HMBOX1: variants seen among roughly 807,000 people sequenced by gnomAD.
HMBOX1 encodes the protein homeobox-containing protein 1.
A neutral mutation model predicts 54.5 loss-of-function variants in HMBOX1; 14 were observed. That is an observed-to-expected ratio of 0.26 (90% confidence interval 0.17 to 0.40). The LOEUF (loss-of-function observed/expected upper bound fraction) is 0.40, where lower values mean the gene tolerates loss of function less well. Among genes scored for constraint, HMBOX1 ranks in the 10% least tolerant of loss-of-function variants. The pLI, the probability that HMBOX1 is intolerant of heterozygous loss-of-function variation, is 1.00. For missense variants in HMBOX1, 332 were observed against 514.4 expected (o/e 0.65, Z 3.43); for synonymous variants, 160 against 181.0 (o/e 0.88, Z 0.93).
intron 5 of HMBOX1, among the ~76,000 whole-genome samples, chr8:29,010,898 C>T (rs946055082): frequency 1.3e-5 from 2 of 152,216 alleles, no homozygotes; most frequent in East Asian, 1.9e-4. Context: ...TGTAATTTGA[C>T]AGAATGTCCC....
At chr8:28,919,870 AT>A (rs1315371089) in intron 1 of HMBOX1, among the ~76,000 whole-genome samples, 4 of 152,234 alleles carry the variant, frequency 2.6e-5, no homozygotes, top group Non-Finnish European at 5.9e-5. Context: ...CTTTTGTAAA[AT>A]GAATACTCAA....
chr8:29,033,926 C>A (rs1008272987), intron 6 of HMBOX1, among the ~76,000 whole-genome samples: 23 of 152,174 alleles, frequency 1.5e-4, no homozygotes, highest in Non-Finnish European at 3.2e-4. Flanking sequence ...ATTGGAAAAT[C>A]TTCACAGAAA....
Position 28,970,227 on chromosome 8 carries a change from A to G in HMBOX1, c.208A>G (p.Ser70Gly), listed in dbSNP as rs766404386. ...TGGAAGAAGGTCCAGCTATGGAGGA[A>G]GTTCATATGGGAATAGTACTAACAA... The part of the protein sequence containing the change: ...KFGRRSSYGG[S>G]SYGNSTNNVP... Residue 70 changes from serine to glycine, a missense_variant, in exon 3 of 10, where the codon AGT (serine) becomes GGT (glycine). This residue lies in a region of HMBOX1 where 146 missense variants were observed against 173.3 expected (regional missense o/e 0.84). Coordinates refer to ENST00000287701, the MANE Select transcript of HMBOX1 (RefSeq NM_001135726.3). This position sits in a 1 kb window ranked among gnomAD's most constrained non-coding sequence, Gnocchi z 4.3. The G allele has an allele frequency of 6.2e-7, 1 of 1,614,218 alleles. No homozygotes were observed. The highest frequency in any genetic ancestry group is 8.5e-7 in the Non-Finnish European group (1 of 1,180,018).
rs972125258 is a variant in HMBOX1, at chr8:28,936,306, G to A, written c.-57-27505G>A. ...ACTGCTCACACTGTTACACTCTGTAGTTTTATGCCAGACCAGTCCCTTTCA... is the reference window on the plus strand; with the variant it reads ...ACTGCTCACACTGTTACACTCTGTAATTTTATGCCAGACCAGTCCCTTTCA... On this transcript the variant is annotated intron_variant, in intron 1 of 9. Transcript: ENST00000287701. Among the ~76,000 whole-genome samples, 3 of 151,936 alleles carry A rather than the reference G, an allele frequency of 2.0e-5. No individual in the cohort carries two copies. The East Asian group carries it at 5.8e-4, about 29-fold the overall frequency.
chr8:29,038,225 T>G (rs1237148111), intron 6 of HMBOX1, among the ~76,000 whole-genome samples: 1 of 152,212 alleles, frequency 6.6e-6, no homozygotes, highest in Non-Finnish European at 1.5e-5. Flanking sequence ...TCATCTCTTA[T>G]AAATTATTTT....
chr8:28,972,319 T>G (rs1827568496), intron 3 of HMBOX1, among the ~76,000 whole-genome samples: 1 of 152,154 alleles, frequency 6.6e-6, no homozygotes, highest in Admixed American at 6.5e-5. Context: ...CTGAAGTGAT[T>G]CTCCTGCTTT....
intron 5 of HMBOX1, chr8:29,009,926 T>C: frequency 9.0e-7 from 1 of 1,108,704 alleles, no homozygotes; most frequent in Non-Finnish European, 1.1e-6. Flanking sequence ...TAAGATTGGG[T>C]TGCGTTCTGT....
chr8:28,952,640 C>G (rs1361417995), intron 1 of HMBOX1, among the ~76,000 whole-genome samples: 2 of 152,040 alleles, frequency 1.3e-5, no homozygotes, highest in Non-Finnish European at 2.9e-5. Context: ...TCCAGCCAGA[C>G]AAATAGGTTG....
intron 6 of HMBOX1, among the ~76,000 whole-genome samples, chr8:29,031,986 C>T (rs1169459033): frequency 1.3e-5 from 2 of 152,116 alleles, no homozygotes. Context: ...GCACCATGTG[C>T]AAAGGCACAG....
chr8:29,002,664 C>CT (rs1374032432), intron 4 of HMBOX1, among the ~76,000 whole-genome samples: 4 of 152,108 alleles, frequency 2.6e-5, no homozygotes, highest in Non-Finnish European at 4.4e-5. Flanking sequence ...CCTCATTTCT[C>CT]TTATGGAAAC....
At chr8:29,002,131 T>C (rs974058024) in intron 4 of HMBOX1, among the ~76,000 whole-genome samples, 2 of 152,180 alleles carry the variant, frequency 1.3e-5, no homozygotes, top group African/African-American at 4.8e-5. Context: ...GAGGTTGCAG[T>C]CATCTGGAGG....
At chr8:29,037,102 A>C (rs376195003) in intron 6 of HMBOX1, among the ~76,000 whole-genome samples, 7 of 152,208 alleles carry the variant, frequency 4.6e-5, no homozygotes, top group Non-Finnish European at 1.0e-4. Context: ...CTGCAAAGTC[A>C]TGAAAACTTA....
intron 1 of HMBOX1, among the ~76,000 whole-genome samples, chr8:28,892,599 T>C (rs1430790919): frequency 6.6e-6 from 1 of 152,194 alleles, no homozygotes; most frequent in Non-Finnish European, 1.5e-5. Flanking sequence ...CTATGATAAC[T>C]GAAAACCACA....
chr8:29,038,415 C>A (rs993875057), intron 6 of HMBOX1, among the ~76,000 whole-genome samples: 1 of 151,972 alleles, frequency 6.6e-6, no homozygotes, highest in African/African-American at 2.4e-5. Context: ...TGCTTCTTTT[C>A]TGTTTTGTCT....
chr8:29,021,453 A>T (rs1339075380), intron 6 of HMBOX1, among the ~76,000 whole-genome samples: 7 of 152,114 alleles, frequency 4.6e-5, no homozygotes, highest in South Asian at 2.1e-4. Context: ...GGAAAAAAAA[A>T]TTGCAACTTT....
chr8:28,908,523 G>A (rs1298568538), intron 1 of HMBOX1, among the ~76,000 whole-genome samples: 1 of 152,236 alleles, frequency 6.6e-6, no homozygotes, highest in African/African-American at 2.4e-5. Context: ...GGGAGGCCAA[G>A]GCGGGCAGAT....
At chr8:29,045,569 C>T (rs968968778) in intron 7 of HMBOX1, 126 bp downstream of exon 7, 6 of 716,912 alleles carry the variant, frequency 8.4e-6, no homozygotes, top group African/African-American at 7.0e-5. Flanking sequence ...TGCCATCCTT[C>T]CGCAGGTGGC....
intron 1 of HMBOX1, among the ~76,000 whole-genome samples, chr8:28,911,034 T>C (rs1815314064): frequency 6.6e-6 from 1 of 152,208 alleles, no homozygotes; most frequent in Non-Finnish European, 1.5e-5. Flanking sequence ...AAACCTGATA[T>C]TCTGGTGGTT....
chr8:28,959,960 C>T (rs1026835448), intron 1 of HMBOX1, among the ~76,000 whole-genome samples: 1 of 151,408 alleles, frequency 6.6e-6, no homozygotes, highest in African/African-American at 2.4e-5. Flanking sequence ...GGTTTTTTTC[C>T]CCCAATACTA....
Sources: gnomAD v4.1 joint callset for allele counts (sites outside exome capture counted in the v4.1 genomes callset) on GRCh38, gnomAD v4.1.1 for gene constraint, gnomAD v4.1.1 regional missense constraint, Gnocchi (gnomAD v3.1) non-coding constraint, MANE v1.5 for transcripts, NCBI Gene and HGNC (gene_info 2026-07-23, HGNC 2026-07-21) for gene names.